The following FAM171A1 variants were observed in gnomAD, a reference collection of about 807,000 sequenced individuals.
The protein encoded by FAM171A1 is family with sequence similarity 171 member A1.
FAM171A1 carries 23 observed loss-of-function variants against 74.9 expected under a neutral mutation model. That is an observed-to-expected ratio of 0.31 (90% confidence interval 0.22 to 0.44). FAM171A1 has a LOEUF of 0.44. Ranked by LOEUF, FAM171A1 falls within the 20% of genes least tolerant of loss-of-function variation. The pLI is 1.00. For synonymous variants in FAM171A1, 527 were observed against 505.7 expected, an observed-to-expected ratio of 1.04 and a Z score of -0.57; for missense variants, 1,162 against 1,159.2, an observed-to-expected ratio of 1.00 and a Z score of -0.03.
At chr10:15,268,097 T>C (rs979029349) in intron 3 of FAM171A1, among the ~76,000 whole-genome samples, 1 of 152,118 alleles carries the variant, frequency 6.6e-6, no homozygotes, top group African/African-American at 2.4e-5. Flanking sequence ...TGTGTATAAA[T>C]GCTGTAGCCT....
chr10:15,269,176 C>A (rs916018388), intron 3 of FAM171A1, among the ~76,000 whole-genome samples: 5 of 152,110 alleles, frequency 3.3e-5, no homozygotes, highest in Non-Finnish European at 7.4e-5. Flanking sequence ...TGCAGTGATA[C>A]GATCACGGTT....
At chr10:15,227,409 G>C (rs1277412255) in intron 5 of FAM171A1, among the ~76,000 whole-genome samples, 1 of 152,058 alleles carries the variant, frequency 6.6e-6, no homozygotes, top group African/African-American at 2.4e-5. Flanking sequence ...TTTGAGACAG[G>C]GTCTTGTTCT....
chr10:15,257,345 G>A (rs1190946361), intron 3 of FAM171A1, among the ~76,000 whole-genome samples: 2 of 152,136 alleles, frequency 1.3e-5, no homozygotes. Flanking sequence ...GGGAGCCGGG[G>A]AATGGGCCCA....
chr10:15,327,938 T>TAAAAAAAAAAAA (rs11438566), intron 1 of FAM171A1, among the ~76,000 whole-genome samples: 1 of 143,234 alleles, frequency 7.0e-6, no homozygotes. Context: ...AAAATAAAAG[T>TAAAAAAAAAAAA]AAAAAAAAAA....
chr10:15,235,032 G>A (rs1834265516), intron 5 of FAM171A1, among the ~76,000 whole-genome samples: 3 of 152,036 alleles, frequency 2.0e-5, no homozygotes, highest in Admixed American at 1.3e-4. Flanking sequence ...CCCCTATGCC[G>A]GGCGTGGTGT....
chr10:15,314,685 C>A (rs959642774), intron 1 of FAM171A1, among the ~76,000 whole-genome samples: 1 of 152,210 alleles, frequency 6.6e-6, no homozygotes, highest in African/African-American at 2.4e-5. Context: ...AGGGCCCCAG[C>A]ACTCTTCTGC....
rs529897109 is a variant in FAM171A1, at chr10:15,214,550, T to C, written c.1038A>G (p.Ala346=). The part of the protein sequence containing the change: ...RQHHRKLQLP[A]GLESSKRDQS... ...GGTCTCTTTTGGAACTCTCCAGTCC[T>C]GCAGGGAGCTGCAGTTTTCTGTGGT... is the stretch of plus-strand genomic sequence containing the variant. The change falls in exon 8 of 8, where the codon GCA becomes GCG. Residue 346 remains alanine (A), a synonymous_variant. Transcript: ENST00000378116. 54 of 1,612,570 alleles carry C rather than the reference T, an allele frequency of 3.3e-5. No individual in the cohort carries two copies. In the Middle Eastern group the frequency reaches 8.3e-4, roughly 25 times the overall value.
At position 15,212,878 on chromosome 10, in the gene FAM171A1, A is replaced by T. The variant is rs776431478; in HGVS notation, c.*37T>A. The stretch of plus-strand genomic sequence containing the variant: ...GCTTCCATGAGAAAGGATATTTGGC[A>T]ATTTTATATTCCACAGTCAGGTGGG... On this transcript the variant is annotated 3_prime_UTR_variant, in exon 8 of 8. Transcript: ENST00000378116. 2 of 1,603,670 alleles carry T rather than the reference A, an allele frequency of 1.2e-6. No individual in the cohort carries two copies. Among genetic ancestry groups the T allele is most frequent in the Admixed American group, 3.5e-5 (2 of 56,938 alleles).
At chr10:15,263,265 T>C (rs987612710) in intron 3 of FAM171A1, among the ~76,000 whole-genome samples, 1 of 152,050 alleles carries the variant, frequency 6.6e-6, no homozygotes, top group African/African-American at 2.4e-5. Flanking sequence ...GCAGGCTGGC[T>C]CCCCCAGTCT....
At position 15,262,946 on chromosome 10, in the gene FAM171A1, T is replaced by G. The variant is rs149206774; in HGVS notation, c.419-8067A>C. On this transcript the variant is annotated intron_variant, in intron 3 of 7. Coordinates refer to ENST00000378116, the MANE Select transcript of FAM171A1 (RefSeq NM_001010924.2). ...TGCTTCCCTGACGGCCTGCTTTCCC[T>G]GTGAAACCAGCCACCAGGGCCCTCC... Among the ~76,000 whole-genome samples the G allele has an allele frequency of 5.2e-3, 793 of 152,272 alleles. 11 individuals are homozygous for G. Among genetic ancestry groups the G allele is most frequent in the African/African-American group, 0.018 (759 of 41,570 alleles).
chr10:15,348,490 G>C (rs1048138780), intron 1 of FAM171A1, among the ~76,000 whole-genome samples: 4 of 152,170 alleles, frequency 2.6e-5, no homozygotes, highest in Non-Finnish European at 4.4e-5. Flanking sequence ...AAAAGGAGTG[G>C]CTTGTTTACC....
chr10:15,353,291 T>C (rs1835899509), intron 1 of FAM171A1, among the ~76,000 whole-genome samples: 2 of 152,234 alleles, frequency 1.3e-5, no homozygotes, highest in Non-Finnish European at 2.9e-5. Context: ...ACACCAATAG[T>C]TTGACGCCGC....
intron 1 of FAM171A1, among the ~76,000 whole-genome samples, chr10:15,304,091 C>A (rs1176118206): frequency 6.6e-6 from 1 of 152,202 alleles, no homozygotes; most frequent in African/African-American, 2.4e-5. Flanking sequence ...GAAGCTTCCT[C>A]CCCAAAGGAT....
intron 3 of FAM171A1, among the ~76,000 whole-genome samples, chr10:15,267,212 G>A (rs138613973): frequency 3.3e-5 from 5 of 152,306 alleles, no homozygotes; most frequent in East Asian, 1.9e-4. Flanking sequence ...CTGTGGGCAC[G>A]CATGGGCAGG....
At chr10:15,277,179 A>T (rs1834905201) in intron 2 of FAM171A1, among the ~76,000 whole-genome samples, 1 of 152,160 alleles carries the variant, frequency 6.6e-6, no homozygotes, top group Middle Eastern at 3.2e-3. Flanking sequence ...TAATTTTAGT[A>T]ATTTATTTAA....
chr10:15,370,437 G>GGCCCCGGGACACAGGGGGC (rs1291685252), intron 1 of FAM171A1, among the ~76,000 whole-genome samples: 4 of 149,624 alleles, frequency 2.7e-5, no homozygotes, highest in African/African-American at 1.0e-4. Flanking sequence ...CGGACCTCGG[G>GGCCCCGGGACACAGGGGGC]GCCCCGGGAC....
intron 3 of FAM171A1, among the ~76,000 whole-genome samples, chr10:15,264,652 T>A (rs948613900): frequency 4.0e-5 from 6 of 149,602 alleles, no homozygotes; most frequent in Non-Finnish European, 7.4e-5. Context: ...GGTGTGGTGG[T>A]GTATACTGTA....
chr10:15,312,846 C>T (rs992537977), intron 1 of FAM171A1, among the ~76,000 whole-genome samples: 2 of 151,326 alleles, frequency 1.3e-5, no homozygotes, highest in Non-Finnish European at 2.9e-5. Context: ...TACAGGCCCA[C>T]CACCACGCCC....
chr10:15,346,976 T>C lies in FAM171A1; in HGVS notation c.97+23980A>G, dbSNP rs533856728. Among the ~76,000 whole-genome samples the C allele has an allele frequency of 3.1e-4, 47 of 152,294 alleles. No individual in the cohort carries two copies. In the South Asian group the frequency reaches 6.8e-3, roughly 22 times the overall value. ...GCTGGCAGAGCTGGCTGCTGTGCTA[T>C]CTGGACATGGTGCAAAAAACACGGC... On this transcript the variant is annotated intron_variant, in intron 1 of 7. Transcript: ENST00000378116.
Sources: allele counts gnomAD v4.1 joint callset (sites outside exome capture counted in the v4.1 genomes callset), GRCh38; gene constraint gnomAD v4.1.1; transcripts MANE v1.5; gene names NCBI Gene and HGNC (gene_info 2026-07-23, HGNC 2026-07-21).